KLF8: variants seen among roughly 807,000 people sequenced by gnomAD.
The protein encoded by KLF8 is Krueppel-like factor 8.
A neutral mutation model predicts 18.2 loss-of-function variants in KLF8; 10 were observed. The ratio of observed to expected loss-of-function variants is 0.55; its 90% CI spans 0.34 to 0.93. KLF8 has a LOEUF of 0.93. Ranked by LOEUF, KLF8 falls within the 40% of genes least tolerant of loss-of-function variation. The pLI is 0.02. For missense variants in KLF8, 264 were observed against 277.9 expected (o/e 0.95, Z 0.36); for synonymous variants, 109 against 97.3 (o/e 1.12, Z -0.71).
chrX:56,136,733 C>G, the KLF8 span, among the ~76,000 whole-genome samples: 1 of 111,266 alleles, frequency 9.0e-6, no homozygotes, highest in South Asian at 3.8e-4. Context: ...GCAATGGCAA[C>G]AAAAGCCAAA....
the KLF8 span, among the ~76,000 whole-genome samples, chrX:56,187,238 T>C: frequency 8.1e-5 from 9 of 111,601 alleles, no homozygotes; most frequent in South Asian, 3.7e-4. Context: ...GAGAATACTA[T>C]AAACACCTCT....
the KLF8 span, among the ~76,000 whole-genome samples, chrX:56,100,157 C>A: frequency 9.0e-6 from 1 of 111,115 alleles, no homozygotes; most frequent in African/African-American, 3.3e-5. Flanking sequence ...TCCGAGAACC[C>A]AAGGGCTCTT....
chrX:55,942,200 A>C, the KLF8 span, among the ~76,000 whole-genome samples: 1 of 111,579 alleles, frequency 9.0e-6, no homozygotes, highest in Non-Finnish European at 1.9e-5. Context: ...AAGAATGATG[A>C]GTTCATGTCC....
chrX:56,138,239 G>A, the KLF8 span, among the ~76,000 whole-genome samples: 1 of 110,591 alleles, frequency 9.0e-6, no homozygotes, highest in East Asian at 2.8e-4. Context: ...CACACCAGAT[G>A]TTTAAAGGGA....
At chrX:56,191,054 A>G in the KLF8 span, among the ~76,000 whole-genome samples, 7 of 111,937 alleles carry the variant, frequency 6.3e-5, no homozygotes, top group African/African-American at 2.3e-4. Flanking sequence ...AACAAAACTG[A>G]CAAACCTTTA....
At chrX:55,998,139 T>G in the KLF8 span, among the ~76,000 whole-genome samples, 1 of 112,673 alleles carries the variant, frequency 8.9e-6, no homozygotes, top group Admixed American at 9.3e-5. Context: ...GCTGCCCACA[T>G]GTCCCACCTC....
At chrX:55,961,852 C>T in the KLF8 span, 22 of 255,699 alleles carry the variant, frequency 8.6e-5, no homozygotes, top group Admixed American at 2.8e-4. Flanking sequence ...GGGAGTGGAA[C>T]CTCGTCTAGA....
chrX:56,190,500 C>T, the KLF8 span, among the ~76,000 whole-genome samples: 1 of 111,421 alleles, frequency 9.0e-6, no homozygotes, highest in Admixed American at 9.6e-5. Context: ...AATTACAGAA[C>T]ATTTCATCCA....
chrX:56,009,470 T>C, the KLF8 span, among the ~76,000 whole-genome samples: 1 of 109,107 alleles, frequency 9.2e-6, no homozygotes, highest in Non-Finnish European at 1.9e-5. Flanking sequence ...GCCTCAAAGA[T>C]GAAAGCTAAA....
chrX:56,200,680 T>C, the KLF8 span, among the ~76,000 whole-genome samples: 2 of 110,862 alleles, frequency 1.8e-5, no homozygotes, highest in Admixed American at 1.9e-4. Flanking sequence ...AGCCATCTTA[T>C]GGAATGGGAA....
At chrX:56,001,219 C>T in the KLF8 span, among the ~76,000 whole-genome samples, 1 of 112,260 alleles carries the variant, frequency 8.9e-6, no homozygotes, top group Non-Finnish European at 1.9e-5. Flanking sequence ...TTTCTTGTTG[C>T]TTCTCTGCAT....
the KLF8 span, chrX:55,908,371 G>C: frequency 6.9e-6 from 2 of 288,805 alleles, no homozygotes; most frequent in African/African-American, 5.5e-5. Flanking sequence ...GTTGTGCGAT[G>C]CAGCTTTAAA....
chrX:55,956,024 C>T, the KLF8 span, among the ~76,000 whole-genome samples: 17 of 110,831 alleles, frequency 1.5e-4, no homozygotes, highest in African/African-American at 5.6e-4. Context: ...TCCCACTCAG[C>T]CAGTTTACTC....
At chrX:56,102,381 G>T in the KLF8 span, among the ~76,000 whole-genome samples, 1 of 111,505 alleles carries the variant, frequency 9.0e-6, no homozygotes, top group Non-Finnish European at 1.9e-5. Flanking sequence ...AAGTCAGGTA[G>T]TTTGAAAACT....
the KLF8 span, among the ~76,000 whole-genome samples, chrX:56,007,150 G>A: frequency 8.9e-6 from 1 of 112,193 alleles, no homozygotes; most frequent in Non-Finnish European, 1.9e-5. Flanking sequence ...CCAGTGCACT[G>A]CTAGAGTTCT....
the KLF8 span, among the ~76,000 whole-genome samples, chrX:56,111,777 A>G: frequency 1.8e-5 from 2 of 112,339 alleles, no homozygotes; most frequent in Non-Finnish European, 3.8e-5. Context: ...CAAAACCACA[A>G]TGAGATACCA....
chrX:56,280,997 C>G (rs940664018), intron 5 of KLF8, among the ~76,000 whole-genome samples: 2 of 111,775 alleles, frequency 1.8e-5, no homozygotes, highest in African/African-American at 3.3e-5. Context: ...CCAAGTCATT[C>G]TTGAGTTAAA....
chrX:56,140,912 T>A, the KLF8 span, among the ~76,000 whole-genome samples: 8 of 111,455 alleles, frequency 7.2e-5, no homozygotes, highest in Admixed American at 4.8e-4. Flanking sequence ...TCAACTTTTT[T>A]AAAAATTGAC....
the KLF8 span, among the ~76,000 whole-genome samples, chrX:56,033,135 T>C: frequency 9.0e-6 from 1 of 111,702 alleles, no homozygotes; most frequent in East Asian, 2.8e-4. Context: ...TCATGTATTC[T>C]TCCTATCTAA....
Sources: allele counts gnomAD v4.1 joint callset (sites outside exome capture counted in the v4.1 genomes callset), GRCh38; gene constraint gnomAD v4.1.1; transcripts MANE v1.5; gene names NCBI Gene and HGNC (gene_info 2026-07-23, HGNC 2026-07-21).